Variants in DOCK5 observed in about 807,000 individuals in gnomAD.
DOCK5 encodes dedicator of cytokinesis protein 5.
Under a neutral mutation model 251.8 loss-of-function variants are expected in DOCK5, and 142 were observed. The observed-to-expected ratio is 0.56, with a 90% CI of 0.49 to 0.65. The LOEUF (loss-of-function observed/expected upper bound fraction) is 0.65. DOCK5 is among the 30% of genes least tolerant of loss of function. The pLI is 0.00. For synonymous variants in DOCK5, 842 were observed against 835.5 expected (o/e 1.01, Z -0.13); for missense variants, 2,111 against 2,312.3 (o/e 0.91, Z 1.79).
chr8:25,304,212 A>T, intron 10 of DOCK5, 43 bp from the exon 11 acceptor site: 1 of 1,508,428 alleles, frequency 6.6e-7, no homozygotes, highest in Non-Finnish European at 9.0e-7. Flanking sequence ...TTACTGAGGC[A>T]TGAAGCAATT....
intron 11 of DOCK5, among the ~76,000 whole-genome samples, chr8:25,306,962 T>C (rs1423339889): frequency 5.3e-5 from 8 of 152,202 alleles, no homozygotes; most frequent in Non-Finnish European, 2.9e-5. Flanking sequence ...TGTAAACCTG[T>C]CCAGCAAGCT....
chr8:25,250,100 G>C (rs937491524), intron 2 of DOCK5, among the ~76,000 whole-genome samples: 5 of 152,156 alleles, frequency 3.3e-5, no homozygotes, highest in African/African-American at 7.2e-5. Flanking sequence ...TGGAATTGCT[G>C]GGTCATAGGG....
intron 1 of DOCK5, among the ~76,000 whole-genome samples, chr8:25,215,917 A>G (rs1296271406): frequency 6.8e-6 from 1 of 146,582 alleles, no homozygotes; most frequent in Non-Finnish European, 1.5e-5. Flanking sequence ...AATCTTTTCA[A>G]ATCCTGGAAA....
intron 5 of DOCK5, 115 bp from the exon 6 acceptor site, chr8:25,291,909 C>T: frequency 1.1e-6 from 1 of 915,004 alleles, no homozygotes; most frequent in Middle Eastern, 3.4e-4. Flanking sequence ...AAAAGATGTT[C>T]CCTCTCATCT....
chr8:25,347,873 A>G (rs1800397768), intron 26 of DOCK5, among the ~76,000 whole-genome samples: 1 of 152,130 alleles, frequency 6.6e-6, no homozygotes, highest in African/African-American at 2.4e-5. Flanking sequence ...AATACATCAC[A>G]TCTCTACCAA....
chr8:25,330,624 T>C (rs936053583), intron 18 of DOCK5, among the ~76,000 whole-genome samples: 3 of 152,122 alleles, frequency 2.0e-5, no homozygotes, highest in Admixed American at 2.0e-4. Context: ...CTATGTGGCA[T>C]TGGAAGTTTA....
At position 25,384,610 on chromosome 8, in the gene DOCK5, C is replaced by T. The variant is rs187608032; in HGVS notation, c.4131+1832C>T. On this transcript the variant is annotated intron_variant, in intron 40 of 51. Transcript: ENST00000276440. ...AAGTAGCAGGGATTACAGGTGTGCA[C>T]GACCAGGCCCAGCTAATTTTTTGTA... 4.6e-4 allele frequency among the ~76,000 whole-genome samples: 70 copies of T among 151,844 alleles called. 1 individual carries two copies. Among genetic ancestry groups the T allele is most frequent in the Non-Finnish European group, 9.3e-4 (63 of 67,944 alleles).
chr8:25,372,882 G>C (rs1800899258), intron 35 of DOCK5, among the ~76,000 whole-genome samples, 164 bp downstream of exon 35: 1 of 152,158 alleles, frequency 6.6e-6, no homozygotes, highest in Non-Finnish European at 1.5e-5. Flanking sequence ...CAGCTCACAG[G>C]TATCAGCAGC....
At chr8:25,396,644 T>C (rs1801349851) in intron 45 of DOCK5, among the ~76,000 whole-genome samples, 3 of 152,172 alleles carry the variant, frequency 2.0e-5, no homozygotes, top group Non-Finnish European at 2.9e-5. Flanking sequence ...TATAAACTTT[T>C]TGGATATAAA....
At chr8:25,334,248 C>G in intron 21 of DOCK5, 52 bp downstream of exon 21, 1 of 1,427,334 alleles carries the variant, frequency 7.0e-7, no homozygotes. Flanking sequence ...GATTTGTACT[C>G]TTAGGACTGG....
At chr8:25,241,032 CTCTT>C (rs1460192994) in intron 1 of DOCK5, among the ~76,000 whole-genome samples, 1 of 152,214 alleles carries the variant, frequency 6.6e-6, no homozygotes, top group African/African-American at 2.4e-5. Context: ...CTCTCTTTCT[CTCTT>C]ATAAAGATAT....
intron 13 of DOCK5, among the ~76,000 whole-genome samples, chr8:25,310,867 CT>C (rs147307469): frequency 2.5e-3 from 383 of 152,246 alleles, no homozygotes; most frequent in African/African-American, 8.9e-3. Context: ...CAAGATAATG[CT>C]TTTAAACATA....
intron 2 of DOCK5, among the ~76,000 whole-genome samples, chr8:25,246,482 C>T (rs1276420001): frequency 6.6e-6 from 1 of 152,106 alleles, no homozygotes; most frequent in East Asian, 1.9e-4. Context: ...CCATGTTGGC[C>T]AGGCTGGTCT....
chr8:25,331,531 G>T (rs1002949750), intron 18 of DOCK5, among the ~76,000 whole-genome samples: 9 of 152,110 alleles, frequency 5.9e-5, no homozygotes, highest in African/African-American at 2.2e-4. Context: ...TAAGGGTTAT[G>T]AATCTGTTCC....
At chr8:25,250,986 G>A (rs1803253961) in intron 2 of DOCK5, among the ~76,000 whole-genome samples, 1 of 152,190 alleles carries the variant, frequency 6.6e-6, no homozygotes, top group Admixed American at 6.5e-5. Context: ...TTTGAAAAGT[G>A]CATAGTACCT....
intron 1 of DOCK5, among the ~76,000 whole-genome samples, chr8:25,219,717 T>C (rs1802333147): frequency 6.6e-6 from 1 of 151,966 alleles, no homozygotes; most frequent in African/African-American, 2.4e-5. Context: ...TTTTTTTTTT[T>C]TGAGACGTTC....
At chr8:25,284,817 A>G (rs1226904711) in intron 5 of DOCK5, among the ~76,000 whole-genome samples, 1 of 152,216 alleles carries the variant, frequency 6.6e-6, no homozygotes, top group Non-Finnish European at 1.5e-5. Context: ...TACTTTTTCA[A>G]CTAAAAATCT....
intron 1 of DOCK5, among the ~76,000 whole-genome samples, chr8:25,192,859 C>A (rs1801621191): frequency 6.6e-6 from 1 of 152,050 alleles, no homozygotes; most frequent in African/African-American, 2.4e-5. Flanking sequence ...TGCTTGTTTT[C>A]TTTTTTAATT....
intron 16 of DOCK5, among the ~76,000 whole-genome samples, chr8:25,323,647 G>A (rs1361382426): frequency 6.6e-6 from 1 of 152,180 alleles, no homozygotes; most frequent in East Asian, 1.9e-4. Flanking sequence ...TTTATTAGGG[G>A]ATGTAGGAAG....
Sources: allele counts gnomAD v4.1 joint callset (sites outside exome capture counted in the v4.1 genomes callset), GRCh38; gene constraint gnomAD v4.1.1; transcripts MANE v1.5; gene names NCBI Gene and HGNC (gene_info 2026-07-23, HGNC 2026-07-21).